Variants in PMFBP1 observed in about 807,000 individuals in gnomAD.
The protein encoded by PMFBP1 is polyamine modulated factor 1 binding protein 1.
PMFBP1 carries 131 observed loss-of-function variants against 137.8 expected under a neutral mutation model. That is an observed-to-expected ratio of 0.95 (90% CI 0.82 to 1.10). PMFBP1 has a LOEUF of 1.10. PMFBP1 is among the 50% of genes least tolerant of loss of function. The probability of loss-of-function intolerance (pLI) is 0.00; values close to 1 mark genes in which losing one functional copy is unlikely to be tolerated. For missense variants in PMFBP1, 1,199 were observed against 1,175.4 expected, an observed-to-expected ratio of 1.02 and a Z score of -0.29; for synonymous variants, 490 against 450.4, an observed-to-expected ratio of 1.09 and a Z score of -1.11.
the PMFBP1 span, among the ~76,000 whole-genome samples, chr16:72,196,762 T>C: frequency 6.6e-6 from 1 of 152,172 alleles, no homozygotes; most frequent in Non-Finnish European, 1.5e-5. Context: ...TTTAATATTG[T>C]CCAATCTCTC....
upstream of PMFBP1, among the ~76,000 whole-genome samples, chr16:72,175,781 A>T (rs547131441): frequency 6.6e-6 from 1 of 152,334 alleles, no homozygotes; most frequent in East Asian, 1.9e-4. Context: ...ACCAGTGAAA[A>T]AAGTGTGATG....
chr16:72,230,337 C>T, the PMFBP1 span, among the ~76,000 whole-genome samples: 2 of 152,132 alleles, frequency 1.3e-5, no homozygotes, highest in Non-Finnish European at 2.9e-5. Context: ...CTATAAAAAT[C>T]TTACATTTAA....
rs779456295 is a variant in PMFBP1 at position 72,154,355 on chromosome 16, C to A, written c.270G>T (p.Leu90Phe). ...ACTCCAGTTCTTGTTGAAGGACCAG[C>A]AATTTTTTCTTCAGTTGCTGGAGTT... ...LRQLQQLKKK[L>F]LVLQQELEFH... Residue 90 changes from leucine (L) to phenylalanine (F), a missense_variant, in exon 4 of 21, where the codon TTG (leucine) becomes TTT (phenylalanine). By Grantham distance (22) the Leu-to-Phe change is conservative (BLOSUM62 0). Coordinates refer to ENST00000237353, the MANE Select transcript of PMFBP1 (RefSeq NM_031293.3). The A allele has an allele frequency of 7.4e-6, 12 of 1,614,158 alleles. No homozygotes were observed. The highest frequency in any genetic ancestry group is 9.3e-6 in the Non-Finnish European group (11 of 1,180,016).
rs2042732076 is a variant in PMFBP1 at position 72,142,061 on chromosome 16, C to G, written c.637-1479G>C. 2.6e-5 allele frequency among the ~76,000 whole-genome samples: 4 copies of G among 151,768 alleles called. No individual in the cohort carries two copies. The South Asian group carries it at 8.3e-4, about 32-fold the overall frequency. The stretch of plus-strand genomic sequence containing the variant: ...CTAGTTTGGGTGGTAGATCCTTTCC[C>G]CATTAAACTTGTCTCTCTAACTGGG... On this transcript the variant is annotated intron_variant, in intron 5 of 20. Transcript: ENST00000237353.
intron 11 of PMFBP1, 32 bp downstream of exon 11, chr16:72,130,501 C>T (rs1227476169): frequency 1.9e-6 from 3 of 1,612,648 alleles, no homozygotes; most frequent in Non-Finnish European, 2.5e-6. Context: ...GTGACAGAAC[C>T]TCTCTCTGGA....
chr16:72,176,326 T>G (rs2043259421), upstream of PMFBP1, among the ~76,000 whole-genome samples: 1 of 152,242 alleles, frequency 6.6e-6, no homozygotes, highest in Admixed American at 6.5e-5. Context: ...GGCTCTCTTC[T>G]TTGCTACCTT....
At chr16:72,244,682 A>T in the PMFBP1 span, among the ~76,000 whole-genome samples, 93 of 152,350 alleles carry the variant, frequency 6.1e-4, 1 homozygote, top group East Asian at 0.014. Flanking sequence ...AGGATGACCA[A>T]ATCTCCTACT....
chr16:72,138,726 G>C (rs1203754267), intron 7 of PMFBP1, among the ~76,000 whole-genome samples: 1 of 151,998 alleles, frequency 6.6e-6, no homozygotes, highest in East Asian at 1.9e-4. Flanking sequence ...AAGTTGGCCA[G>C]GTGGGTCTCT....
chr16:72,237,201 T>C, the PMFBP1 span, among the ~76,000 whole-genome samples: 1 of 152,290 alleles, frequency 6.6e-6, no homozygotes, highest in East Asian at 1.9e-4. Context: ...CTTTGTGGGA[T>C]GACATGGGAA....
At chr16:72,158,619 C>T (rs1029158266) in intron 3 of PMFBP1, among the ~76,000 whole-genome samples, 19 of 152,042 alleles carry the variant, frequency 1.2e-4, no homozygotes, top group Non-Finnish European at 2.2e-4. Flanking sequence ...AAGTACTTAA[C>T]GTGGACAGAA....
At chr16:72,145,642 T>C (rs1264709830) in intron 5 of PMFBP1, among the ~76,000 whole-genome samples, 1 of 151,792 alleles carries the variant, frequency 6.6e-6, no homozygotes, top group Non-Finnish European at 1.5e-5. Flanking sequence ...GCCAGACTAA[T>C]AAAGAAGAAA....
the PMFBP1 span, among the ~76,000 whole-genome samples, chr16:72,190,691 G>C: frequency 6.6e-6 from 1 of 152,058 alleles, no homozygotes. Flanking sequence ...GGTGGGGTTG[G>C]GGAGGCAGAC....
chr16:72,157,458 C>T (rs1006178887), intron 3 of PMFBP1, among the ~76,000 whole-genome samples: 1 of 152,038 alleles, frequency 6.6e-6, no homozygotes, highest in Non-Finnish European at 1.5e-5. Flanking sequence ...TGGAATGCTC[C>T]AGGGAGTGAT....
chr16:72,144,366 G>A (rs542610213), intron 5 of PMFBP1, among the ~76,000 whole-genome samples: 1 of 152,110 alleles, frequency 6.6e-6, no homozygotes, highest in African/African-American at 2.4e-5. Flanking sequence ...GTCCTAACAG[G>A]ATCTATTAAA....
the PMFBP1 span, among the ~76,000 whole-genome samples, chr16:72,192,613 T>C: frequency 6.6e-6 from 1 of 152,056 alleles, no homozygotes; most frequent in African/African-American, 2.4e-5. Context: ...CAGGGCCGGG[T>C]GTGGTGGCTT....
At position 72,154,208 on chromosome 16, in the gene PMFBP1, T is replaced by C; in HGVS notation, c.414+3A>G. 1 of 1,613,998 alleles carries C rather than the reference T, an allele frequency of 6.2e-7. No homozygotes were observed. The highest frequency in any genetic ancestry group is 8.5e-7 in the Non-Finnish European group (1 of 1,179,972). On this transcript the variant is annotated splice_donor_region_variant and intron_variant, in intron 4 of 20. Coordinates refer to ENST00000237353, the MANE Select transcript of PMFBP1 (RefSeq NM_031293.3). Reference sequence around the variant, plus strand: ...GTTATTTCCATGGTTAATCTGTCTATACCTCATCTTCTTTCAGTTTGCAGT... The same window carrying C: ...GTTATTTCCATGGTTAATCTGTCTACACCTCATCTTCTTTCAGTTTGCAGT...
At chr16:72,239,631 C>A in the PMFBP1 span, among the ~76,000 whole-genome samples, 2 of 152,006 alleles carry the variant, frequency 1.3e-5, no homozygotes, top group Non-Finnish European at 2.9e-5. Context: ...CAGTGGCTTG[C>A]ACCTCTAATC....
At chr16:72,157,738 A>C (rs1442332303) in intron 3 of PMFBP1, among the ~76,000 whole-genome samples, 1 of 152,190 alleles carries the variant, frequency 6.6e-6, no homozygotes, top group East Asian at 1.9e-4. Context: ...TGTTTATTGG[A>C]AATCAACTCT....
At chr16:72,218,268 A>G in the PMFBP1 span, among the ~76,000 whole-genome samples, 37 of 152,344 alleles carry the variant, frequency 2.4e-4, no homozygotes, top group Admixed American at 2.3e-3. Flanking sequence ...AATCAATGGA[A>G]TCTACCAGAA....
Sources: allele counts gnomAD v4.1 joint callset (sites outside exome capture counted in the v4.1 genomes callset), GRCh38; gene constraint gnomAD v4.1.1; transcripts MANE v1.5; gene names NCBI Gene and HGNC (gene_info 2026-07-23, HGNC 2026-07-21).